Variants in PERP observed in about 807,000 individuals in gnomAD.
PERP encodes the protein p53 apoptosis effector related to PMP22, also known as p53 apoptosis effector related to PMP-22.
Under a neutral mutation model 20.3 loss-of-function variants are expected in PERP, and 11 were observed. The observed-to-expected ratio is 0.54, with a 90% CI of 0.34 to 0.90. The LOEUF is 0.90. Ranked by LOEUF, PERP falls within the 40% of genes least tolerant of loss-of-function variation. The pLI, the probability that PERP is intolerant of heterozygous loss-of-function variation, is 0.02. For missense variants in PERP, 224 were observed against 249.4 expected (o/e 0.90, Z 0.69); for synonymous variants, 101 against 102.0 (o/e 0.99, Z 0.06).
Position 138,095,411 on chromosome 6 carries a change from G to A in PERP, c.355+943C>T, listed in dbSNP as rs141480845. ...TTAACTCTTCTAAGCTCAGGGAACC[G>A]GCGCAAAGTGGCCTTCCTCCTGGCT... On this transcript the variant is annotated intron_variant, in intron 2 of 2. Coordinates refer to ENST00000421351, the MANE Select transcript of PERP (RefSeq NM_022121.5). Among the ~76,000 whole-genome samples the A allele has an allele frequency of 3.5e-3, 534 of 152,244 alleles. 2 individuals are homozygous for A. Among genetic ancestry groups the A allele is most frequent in the African/African-American group, 0.012 (497 of 41,562 alleles).
chr6:138,105,050 C>G (rs1462339825), intron 1 of PERP, among the ~76,000 whole-genome samples: 3 of 152,192 alleles, frequency 2.0e-5, no homozygotes, highest in African/African-American at 4.8e-5. Flanking sequence ...AGAGGTAGCT[C>G]CATATCTGCT....
At position 138,092,062 on chromosome 6, in the gene PERP, A is replaced by G; in HGVS notation, c.562T>C (p.Tyr188His). ...CCAAGTTAGGCAGATGTGTAGAAGT[A>G]CCTGGGCTTGGCATTGCCCAGAAGG... is the stretch of plus-strand genomic sequence containing the variant. Reference protein sequence around the residue: ...DDLLGNAKPRYFYTSA With the variant: ...DDLLGNAKPRHFYTSA The change falls in exon 3 of 3, where the codon TAC becomes CAC. Residue 188 changes from tyrosine (Y) to histidine (H), a missense_variant. Physicochemically the swap from Tyr to His is moderately conservative, Grantham distance 83. Coordinates refer to ENST00000421351, the MANE Select transcript of PERP (RefSeq NM_022121.5). 1.9e-6 allele frequency: 3 copies of G among 1,613,974 alleles called. No individual in the cohort carries two copies. Among genetic ancestry groups the G allele is most frequent in the Non-Finnish European group, 2.5e-6 (3 of 1,179,912 alleles).
At position 138,092,094 on chromosome 6, in the gene PERP, T is replaced by A. The variant is rs781611950; in HGVS notation, c.530A>T (p.Glu177Val). Residue 177 changes from glutamate to valine, a missense_variant, in exon 3 of 3, where the codon GAA (glutamate) becomes GTA (valine). Coordinates refer to ENST00000421351, the MANE Select transcript of PERP (RefSeq NM_022121.5). ...AFFFCCLPNY[E>V]DDLLGNAKPR... ...CTTGGCATTGCCCAGAAGGTCATCT[T>A]CGTAGTTGGGGAGGCAGCAGAAGAA... The A allele has an allele frequency of 1.9e-6, 3 of 1,613,984 alleles. No homozygotes were observed. The African/African-American group carries it at 4.0e-5, about 22-fold the overall frequency.
intron 2 of PERP, 41 bp from the exon 3 acceptor site, chr6:138,092,309 T>A (rs1375613261): frequency 1.3e-6 from 2 of 1,490,948 alleles, no homozygotes; most frequent in Non-Finnish European, 9.3e-7. Flanking sequence ...AATGCATACA[T>A]GCATGAAGGA....
intron 1 of PERP, among the ~76,000 whole-genome samples, chr6:138,104,791 A>G (rs1465751791): frequency 6.6e-6 from 1 of 152,246 alleles, no homozygotes; most frequent in African/African-American, 2.4e-5. Context: ...GTGTTTGTGC[A>G]TACGTGGGAG....
At chr6:138,093,001 T>G (rs1044900477) in intron 2 of PERP, among the ~76,000 whole-genome samples, 1 of 152,148 alleles carries the variant, frequency 6.6e-6, no homozygotes, top group Non-Finnish European at 1.5e-5. Flanking sequence ...CATGAAGATT[T>G]CTAAACTCTC....
rs551607711 is a variant in PERP at position 138,102,008 on chromosome 6, A to G, written c.214+5119T>C. Reference sequence around the variant, plus strand: ...GCGACACTTAGAGCAGCAAAAATCTAGAGGACAACTCATAGCAGTCCCCCC... The same window carrying G: ...GCGACACTTAGAGCAGCAAAAATCTGGAGGACAACTCATAGCAGTCCCCCC... On this transcript the variant is annotated intron_variant, in intron 1 of 2. Transcript: ENST00000421351. Among the ~76,000 whole-genome samples, 19 of 152,310 alleles carry G rather than the reference A, an allele frequency of 1.2e-4. No homozygotes were observed. The South Asian group carries it at 3.9e-3, about 32-fold the overall frequency.
At chr6:138,100,329 C>G (rs764648784) in intron 1 of PERP, among the ~76,000 whole-genome samples, 1 of 152,050 alleles carries the variant, frequency 6.6e-6, no homozygotes, top group Non-Finnish European at 1.5e-5. Flanking sequence ...TTGACCAAAC[C>G]CTTTAGGAGC....
chr6:138,094,745 G>A (rs1034986966), intron 2 of PERP, among the ~76,000 whole-genome samples: 1 of 152,028 alleles, frequency 6.6e-6, no homozygotes, highest in Non-Finnish European at 1.5e-5. Context: ...TTATTGAGAT[G>A]GAGTCTTGCT....
rs79571603 is a variant in PERP, at chr6:138,107,271, C to G, written c.70G>C (p.Ala24Pro). The change falls in exon 1 of 3, where the codon GCC becomes CCC. Residue 24 changes from alanine to proline, a missense_variant. By Grantham distance (27) the Ala-to-Pro change is conservative. Coordinates refer to ENST00000421351, the MANE Select transcript of PERP (RefSeq NM_022121.5). This position sits in a 1 kb window ranked among gnomAD's most constrained non-coding sequence, Gnocchi z 4.8. Reference protein sequence around the residue: ...ILPLLLLSAIAFDIIALAGRG... With the variant: ...ILPLLLLSAIPFDIIALAGRG... ...CCGGCCAGCGCGATGATGTCGAAGG[C>G]GATGGCGCTGAGTAGGAGCAGGGGC... is the stretch of plus-strand genomic sequence containing the variant. The G allele has an allele frequency of 5.6e-6, 9 of 1,611,426 alleles. No individual in the cohort carries two copies. Among genetic ancestry groups the G allele is most frequent in the Non-Finnish European group, 7.6e-6 (9 of 1,179,618 alleles).
chr6:138,106,999 T>C, intron 1 of PERP, 128 bp downstream of exon 1: 1 of 862,302 alleles, frequency 1.2e-6, no homozygotes, highest in Non-Finnish European at 1.6e-6. Context: ...GAGCTCGTCC[T>C]AAACAGGCAT....
chr6:138,099,542 A>G (rs1775742845), intron 1 of PERP, among the ~76,000 whole-genome samples: 1 of 152,258 alleles, frequency 6.6e-6, no homozygotes. Context: ...CCATAAAAAC[A>G]GGCAAAACCT....
chr6:138,091,992 TCTG>T lies in PERP; in HGVS notation c.*47_*49del. ...GTCGCCTGGAGAAACAGTTTCTTCT[TCTG>T]GAGTCCATCTCAGCAGCAGCGATTT... On this transcript the variant is annotated 3_prime_UTR_variant, in exon 3 of 3. Transcript: ENST00000421351. The T allele has an allele frequency of 6.5e-7, 1 of 1,550,168 alleles. No individual in the cohort carries two copies. The highest frequency in any genetic ancestry group is 8.8e-7 in the Non-Finnish European group (1 of 1,133,282).
chr6:138,101,700 T>C (rs1243365166), intron 1 of PERP, among the ~76,000 whole-genome samples: 2 of 152,208 alleles, frequency 1.3e-5, no homozygotes, highest in Non-Finnish European at 2.9e-5. Context: ...TAAGGCTCTT[T>C]AAGCCAAACA....
intron 2 of PERP, among the ~76,000 whole-genome samples, chr6:138,094,527 A>G (rs1775646560): frequency 6.6e-6 from 1 of 152,062 alleles, no homozygotes; most frequent in East Asian, 1.9e-4. Flanking sequence ...TTGTTTGTCC[A>G]TGCATCTGTT....
At chr6:138,093,886 A>G (rs1775629225) in intron 2 of PERP, among the ~76,000 whole-genome samples, 1 of 152,120 alleles carries the variant, frequency 6.6e-6, no homozygotes, top group Non-Finnish European at 1.5e-5. Flanking sequence ...TTCTAAATAC[A>G]TTTTCTGTTC....
chr6:138,096,605 G>A (rs1334616543), intron 1 of PERP, 111 bp from the exon 2 acceptor site: 2 of 1,197,036 alleles, frequency 1.7e-6, no homozygotes. Context: ...AGTTACATTT[G>A]GATGGAGGGA....
chr6:138,098,614 C>A (rs2114337675), intron 1 of PERP, among the ~76,000 whole-genome samples: 2 of 152,280 alleles, frequency 1.3e-5, no homozygotes, highest in South Asian at 4.1e-4. Context: ...TCATCTGATG[C>A]ATTTTTCTCT....
In PERP at chr6:138,090,339, T is replaced by C. The variant is rs1057225274; in HGVS notation, c.*1703A>G. On this transcript the variant is annotated 3_prime_UTR_variant, in exon 3 of 3. Transcript: ENST00000421351. ...CATAGTGGAAGTAACATATGACTTA[T>C]GGTGGGAAAAAAAATAACAAATGAT... The C allele has an allele frequency of 2.0e-5, 3 of 151,902 alleles. No individual in the cohort carries two copies. The highest frequency in any genetic ancestry group is 1.9e-4 in the East Asian group (1 of 5,194). 9.4% of individuals were successfully genotyped at this position (151,902 alleles called of 1,614,324 possible).
Sources: allele counts gnomAD v4.1 joint callset (sites outside exome capture counted in the v4.1 genomes callset), GRCh38; gene constraint gnomAD v4.1.1; non-coding constraint Gnocchi (gnomAD v3.1); transcripts MANE v1.5; gene names NCBI Gene and HGNC (gene_info 2026-07-23, HGNC 2026-07-21).